ADAMTS3: variants seen among roughly 807,000 people sequenced by gnomAD.
The protein encoded by ADAMTS3 is A disintegrin and metalloproteinase with thrombospondin motifs 3.
In ADAMTS3, 73 loss-of-function variants were observed where a neutral mutation model predicts 129.0. That is an observed-to-expected ratio of 0.57 (90% CI 0.47 to 0.69). The LOEUF is 0.69. ADAMTS3 is among the 30% of genes least tolerant of loss of function. The pLI, the probability that ADAMTS3 is intolerant of heterozygous loss-of-function variation, is 0.00. For missense variants in ADAMTS3, 1,457 were observed against 1,514.5 expected (o/e 0.96, Z 0.63); for synonymous variants, 477 against 510.8 (o/e 0.93, Z 0.89).
chr4:72,358,300 G>C (rs1351434968), intron 4 of ADAMTS3, among the ~76,000 whole-genome samples: 2 of 151,726 alleles, frequency 1.3e-5, no homozygotes, highest in South Asian at 2.1e-4. Context: ...CTATCCTTAA[G>C]AGAAAAAAAA....
intron 3 of ADAMTS3, among the ~76,000 whole-genome samples, chr4:72,526,901 G>A (rs915794757): frequency 1.3e-4 from 20 of 151,590 alleles, no homozygotes; most frequent in African/African-American, 4.8e-4. Flanking sequence ...CACAGGTTGT[G>A]AATGCAGGTA....
chr4:72,392,972 C>T (rs1273174099), intron 4 of ADAMTS3, among the ~76,000 whole-genome samples: 1 of 148,070 alleles, frequency 6.8e-6, no homozygotes, highest in Non-Finnish European at 1.5e-5. Context: ...GTCGCCCAGG[C>T]TGGAGTGCAA....
intron 4 of ADAMTS3, among the ~76,000 whole-genome samples, chr4:72,351,914 C>G (rs984270234): frequency 6.6e-6 from 1 of 151,664 alleles, no homozygotes; most frequent in Non-Finnish European, 1.5e-5. Flanking sequence ...GAGGTAAAGG[C>G]AAGAAATAAA....
chr4:72,295,056 G>T (rs1718770213), intron 19 of ADAMTS3, among the ~76,000 whole-genome samples: 1 of 151,882 alleles, frequency 6.6e-6, no homozygotes, highest in Non-Finnish European at 1.5e-5. Flanking sequence ...AAGAGAGTTT[G>T]GGAATGAATT....
At chr4:72,395,371 A>G (rs560297718) in intron 4 of ADAMTS3, among the ~76,000 whole-genome samples, 1 of 152,330 alleles carries the variant, frequency 6.6e-6, no homozygotes, top group South Asian at 2.1e-4. Flanking sequence ...TCTAGCATGT[A>G]TAAGGACAAA....
intron 10 of ADAMTS3, among the ~76,000 whole-genome samples, chr4:72,318,321 T>TGCTTAATCTCTAAGTC: frequency 6.6e-6 from 1 of 152,214 alleles, no homozygotes; most frequent in Non-Finnish European, 1.5e-5. Context: ...TTAAGCAAGT[T>TGCTTAATCTCTAAGTC]GCTTAATCTC....
chr4:72,449,158 C>T (rs1718329443), intron 3 of ADAMTS3, among the ~76,000 whole-genome samples: 1 of 151,648 alleles, frequency 6.6e-6, no homozygotes, highest in Admixed American at 6.6e-5. Context: ...CTTCACTTTT[C>T]AGACAATTTA....
intron 4 of ADAMTS3, among the ~76,000 whole-genome samples, chr4:72,389,375 C>T (rs1237060143): frequency 1.3e-5 from 2 of 152,090 alleles, no homozygotes; most frequent in African/African-American, 4.8e-5. Flanking sequence ...AGTGGTGGGG[C>T]TTTAGCCATA....
intron 4 of ADAMTS3, among the ~76,000 whole-genome samples, chr4:72,380,790 G>A (rs978857741): frequency 6.6e-6 from 1 of 152,134 alleles, no homozygotes; most frequent in South Asian, 2.1e-4. Context: ...ATAAAAAAAT[G>A]TGTAGCAGAG....
intron 4 of ADAMTS3, among the ~76,000 whole-genome samples, chr4:72,344,485 T>C (rs1387415101): frequency 2.0e-5 from 3 of 152,128 alleles, no homozygotes; most frequent in Non-Finnish European, 4.4e-5. Flanking sequence ...CCAATATTCA[T>C]TCTCTCTTCC....
intron 5 of ADAMTS3, among the ~76,000 whole-genome samples, chr4:72,328,200 A>T (rs1719746986): frequency 6.6e-6 from 1 of 152,166 alleles, no homozygotes; most frequent in African/African-American, 2.4e-5. Flanking sequence ...AAATTACCTG[A>T]AAGAAGGGGT....
chr4:72,295,738 A>G lies in ADAMTS3; in HGVS notation c.2639T>C (p.Met880Thr). 1 of 1,612,958 alleles carries G rather than the reference A, an allele frequency of 6.2e-7. No individual in the cohort carries two copies. Reference sequence around the variant, plus strand: ...GGCCTCACAGAAGCTGCGATGGACCATTTTATTATCACTTTTCCTACGGCA... The same window carrying G: ...GGCCTCACAGAAGCTGCGATGGACCGTTTTATTATCACTTTTCCTACGGCA... ...YGCRRKSDNKMVHRSFCEANK... is the reference protein window; with the variant it reads ...YGCRRKSDNKTVHRSFCEANK... The change falls in exon 19 of 22, where the codon ATG (methionine) becomes ACG (threonine). Residue 880 changes from methionine to threonine, a missense_variant. Transcript: ENST00000286657.
chr4:72,304,759 T>C (rs900149954), intron 16 of ADAMTS3, among the ~76,000 whole-genome samples: 1 of 152,070 alleles, frequency 6.6e-6, no homozygotes, highest in Non-Finnish European at 1.5e-5. Context: ...TTTATCAGCA[T>C]ATAATGTTAC....
intron 3 of ADAMTS3, among the ~76,000 whole-genome samples, chr4:72,465,678 C>G (rs958823566): frequency 2.0e-5 from 3 of 151,936 alleles, no homozygotes; most frequent in Non-Finnish European, 4.4e-5. Context: ...ATACAAAGCA[C>G]ACACTTAAGC....
intron 3 of ADAMTS3, among the ~76,000 whole-genome samples, chr4:72,424,228 GAA>G (rs1220607613): frequency 6.6e-6 from 1 of 151,778 alleles, no homozygotes; most frequent in Non-Finnish European, 1.5e-5. Context: ...CTACGTTAAA[GAA>G]AAAAATAAAC....
intron 4 of ADAMTS3, among the ~76,000 whole-genome samples, chr4:72,398,169 A>C (rs1258139409): frequency 2.6e-5 from 4 of 152,228 alleles, no homozygotes; most frequent in Non-Finnish European, 5.9e-5. Flanking sequence ...TAAATTGCTG[A>C]GGATGAGAGC....
chr4:72,479,784 C>T (rs1719373375), intron 3 of ADAMTS3, among the ~76,000 whole-genome samples: 1 of 152,162 alleles, frequency 6.6e-6, no homozygotes, highest in African/African-American at 2.4e-5. Flanking sequence ...AAAATTTTCG[C>T]AACCTACTCA....
intron 19 of ADAMTS3, among the ~76,000 whole-genome samples, chr4:72,294,488 T>C (rs1024663265): frequency 5.9e-5 from 9 of 152,108 alleles, no homozygotes; most frequent in African/African-American, 1.7e-4. Context: ...TGTGATGTGA[T>C]AGATTGGTTA....
In ADAMTS3 at chr4:72,304,096, T is replaced by A. The variant is rs574100298; in HGVS notation, c.2261-16A>T. The A allele has an allele frequency of 6.2e-7, 1 of 1,610,884 alleles. No homozygotes were observed. On this transcript the variant is annotated splice_polypyrimidine_tract_variant and intron_variant, in intron 16 of 21. Coordinates refer to ENST00000286657, the MANE Select transcript of ADAMTS3 (RefSeq NM_014243.3). ...TTCTTAATAGCTAAAGGGAGAAAAA[T>A]GAGTAACCAGCATACATTTTATTTT...
Sources: gnomAD v4.1 joint callset for allele counts (sites outside exome capture counted in the v4.1 genomes callset) on GRCh38, gnomAD v4.1.1 for gene constraint, MANE v1.5 for transcripts, NCBI Gene and HGNC (gene_info 2026-07-23, HGNC 2026-07-21) for gene names.